Variants in GLTP observed in about 807,000 individuals in gnomAD.
GLTP encodes the protein glycolipid transfer protein.
Under a neutral mutation model 24.0 loss-of-function variants are expected in GLTP, and 22 were observed. That is an observed-to-expected ratio of 0.92 (90% confidence interval 0.65 to 1.31). The LOEUF (loss-of-function observed/expected upper bound fraction) is 1.31, where lower values mean the gene tolerates loss of function less well. Ranked by LOEUF, GLTP falls within the 50% of genes most tolerant of loss-of-function variation. The pLI, the probability that GLTP is intolerant of heterozygous loss-of-function variation, is 0.00. For missense variants in GLTP, 224 were observed against 276.6 expected (o/e 0.81, Z 1.35); for synonymous variants, 92 against 115.9 (o/e 0.79, Z 1.33).
At chr12:109,868,938 C>T (rs1016053300) in intron 1 of GLTP, among the ~76,000 whole-genome samples, 11 of 152,000 alleles carry the variant, frequency 7.2e-5, no homozygotes, top group African/African-American at 2.4e-4. Flanking sequence ...AAAACAGGTT[C>T]CTGCTCTGAG....
chr12:109,874,920 C>T (rs554601536), intron 1 of GLTP, among the ~76,000 whole-genome samples: 48 of 152,076 alleles, frequency 3.2e-4, no homozygotes, highest in African/African-American at 1.1e-3. Flanking sequence ...CTAACATGCC[C>T]GACCAATTTT....
At position 109,852,404 on chromosome 12, in the gene GLTP, G is replaced by A. The variant is rs1463009013; in HGVS notation, c.*151C>T. On this transcript the variant is annotated 3_prime_UTR_variant, in exon 5 of 5. Coordinates refer to ENST00000318348, the MANE Select transcript of GLTP (RefSeq NM_016433.4). ...AAAAAAAAAAAAAGACTTAAAAAAC[G>A]AGGGCTGTCCCCTGCAGACTCTGGC... The A allele has an allele frequency of 7.5e-5, 25 of 332,416 alleles. No homozygotes were observed. Among genetic ancestry groups the A allele is most frequent in the African/African-American group, 1.3e-4 (5 of 39,914 alleles). 20.6% of individuals were successfully genotyped at this position (332,416 alleles called of 1,614,324 possible). A position where few individuals can be genotyped will look rare whatever the true frequency, so the allele number is the denominator to read the frequency against.
At position 109,855,986 on chromosome 12, in the gene GLTP, G is replaced by C. The variant is rs544657201; in HGVS notation, c.297-217C>G. Among the ~76,000 whole-genome samples, 104 of 152,144 alleles carry C rather than the reference G, an allele frequency of 6.8e-4. No individual in the cohort carries two copies. Among genetic ancestry groups the C allele is most frequent in the African/African-American group, 2.0e-3 (85 of 41,510 alleles). ...GAGCACCTTCTCTCCTCCAGGCCTG[G>C]TGCTGGCCCATGACAAGTCACACTG... On this transcript the variant is annotated intron_variant, in intron 3 of 4. Transcript: ENST00000318348. The surrounding 1 kb of genome is among the most constrained non-coding windows in gnomAD (Gnocchi z 4.1).
rs1869035477 is a variant in GLTP, at chr12:109,880,314, C to G, written c.61G>C (p.Gly21Arg). The G allele has an allele frequency of 1.3e-6, 2 of 1,597,012 alleles. No homozygotes were observed. Among genetic ancestry groups the G allele is most frequent in the Admixed American group, 1.7e-5 (1 of 59,372 alleles). Residue 21 changes from glycine (G) to arginine (R), a missense_variant, in exon 1 of 5, where the codon GGG becomes CGG. Physicochemically the swap from Gly to Arg is moderately radical, Grantham distance 125 (BLOSUM62 -2). Transcript: ENST00000318348. The surrounding 1 kb of genome is among the most constrained non-coding windows in gnomAD (Gnocchi z 5.1). Reference protein sequence around the residue: ...PLPADKQIETGPFLEAVSHLP... With the variant: ...PLPADKQIETRPFLEAVSHLP... Reference sequence around the variant, plus strand: ...TGGGACACCGCCTCGAGGAAGGGCCCGGTCTCGATCTGCTTGTCCGCGGGC... The same window carrying G: ...TGGGACACCGCCTCGAGGAAGGGCCGGGTCTCGATCTGCTTGTCCGCGGGC...
At chr12:109,863,137 T>C (rs1205670682) in intron 1 of GLTP, among the ~76,000 whole-genome samples, 1 of 152,238 alleles carries the variant, frequency 6.6e-6, no homozygotes, top group Non-Finnish European at 1.5e-5. Context: ...TATGGATAGA[T>C]AGGCACAGTA....
intron 1 of GLTP, among the ~76,000 whole-genome samples, chr12:109,875,377 G>C (rs1458318571): frequency 6.6e-6 from 1 of 152,140 alleles, no homozygotes; most frequent in African/African-American, 2.4e-5. Flanking sequence ...GGAGGCAAGA[G>C]TATGACAATA....
At chr12:109,860,957 G>A (rs1868355901) in intron 1 of GLTP, among the ~76,000 whole-genome samples, 2 of 152,170 alleles carry the variant, frequency 1.3e-5, no homozygotes, top group South Asian at 4.1e-4. Flanking sequence ...GGGCTTCCAT[G>A]ACACCTTTTC....
chr12:109,859,952 C>T (rs1178535096), intron 1 of GLTP: 1 of 151,992 alleles, frequency 6.6e-6, no homozygotes, highest in African/African-American at 2.4e-5. Flanking sequence ...GCTTTATCTA[C>T]TCTGTTGACT....
intron 3 of GLTP, among the ~76,000 whole-genome samples, chr12:109,856,752 T>C (rs1166270904): frequency 6.6e-6 from 1 of 152,158 alleles, no homozygotes; most frequent in Admixed American, 6.5e-5. Flanking sequence ...TAGGATGTAT[T>C]TGTGCAAATT....
intron 1 of GLTP, among the ~76,000 whole-genome samples, chr12:109,877,157 C>CT (rs964898287): frequency 2.6e-5 from 4 of 152,244 alleles, no homozygotes; most frequent in East Asian, 1.9e-4. Context: ...CCAGCCCATA[C>CT]TTTTTTTTCC....
At chr12:109,861,393 T>C (rs548403742) in intron 1 of GLTP, among the ~76,000 whole-genome samples, 46 of 152,290 alleles carry the variant, frequency 3.0e-4, no homozygotes, top group African/African-American at 1.1e-3. Context: ...TGCCTCAGTT[T>C]CCTCTTGTGT....
intron 1 of GLTP, among the ~76,000 whole-genome samples, chr12:109,861,516 A>G (rs1468832706): frequency 6.6e-6 from 1 of 152,162 alleles, no homozygotes; most frequent in African/African-American, 2.4e-5. Context: ...TTGGGAGGCC[A>G]AGGCGGGCGG....
intron 4 of GLTP, among the ~76,000 whole-genome samples, chr12:109,854,675 G>C (rs1463064327): frequency 6.6e-6 from 1 of 152,170 alleles, no homozygotes; most frequent in Non-Finnish European, 1.5e-5. Flanking sequence ...CCTGGGCCAG[G>C]TACACAGGAC....
At chr12:109,867,951 G>A (rs976328674) in intron 1 of GLTP, among the ~76,000 whole-genome samples, 1 of 134,308 alleles carries the variant, frequency 7.4e-6, no homozygotes, top group African/African-American at 2.7e-5. Context: ...CTAATTTTTT[G>A]TATTTTTAGT....
chr12:109,876,805 C>G (rs1026602309), intron 1 of GLTP, among the ~76,000 whole-genome samples: 1 of 152,196 alleles, frequency 6.6e-6, no homozygotes, highest in African/African-American at 2.4e-5. Flanking sequence ...CAGGGTCTCA[C>G]TCTGTCAACC....
chr12:109,857,114 C>A lies in GLTP; in HGVS notation c.296+412G>T, dbSNP rs547284183. ...TCATAACATACAAATCCACTTTGTA[C>A]GCGTGACCAGCCCTAAACAGGACAC... is the stretch of plus-strand genomic sequence containing the variant. On this transcript the variant is annotated intron_variant, in intron 3 of 4. Transcript: ENST00000318348. This position sits in a 1 kb window ranked among gnomAD's most constrained non-coding sequence, Gnocchi z 4.3. Among the ~76,000 whole-genome samples the A allele has an allele frequency of 6.6e-6, 1 of 152,220 alleles. No individual in the cohort carries two copies. Among genetic ancestry groups the A allele is most frequent in the Non-Finnish European group, 1.5e-5 (1 of 68,042 alleles).
At chr12:109,853,750 A>T (rs570805677) in intron 4 of GLTP, among the ~76,000 whole-genome samples, 17 of 151,340 alleles carry the variant, frequency 1.1e-4, no homozygotes, top group East Asian at 3.9e-4. Flanking sequence ...AATATTATTT[A>T]AAAAATTTTT....
chr12:109,879,861 G>A (rs535302670), intron 1 of GLTP, among the ~76,000 whole-genome samples: 2 of 152,224 alleles, frequency 1.3e-5, no homozygotes, highest in South Asian at 4.2e-4. Context: ...AGGGGAGCGA[G>A]TTGAGAGCCA....
intron 1 of GLTP, among the ~76,000 whole-genome samples, chr12:109,865,622 C>CG (rs1868502127): frequency 6.6e-6 from 1 of 151,264 alleles, no homozygotes; most frequent in Non-Finnish European, 1.5e-5. Context: ...AAAATAGAGA[C>CG]GGGGTCTTAC....
Sources: gnomAD v4.1 joint callset for allele counts (sites outside exome capture counted in the v4.1 genomes callset) on GRCh38, gnomAD v4.1.1 for gene constraint, Gnocchi (gnomAD v3.1) non-coding constraint, MANE v1.5 for transcripts, NCBI Gene and HGNC (gene_info 2026-07-23, HGNC 2026-07-21) for gene names.